FBN3: variants seen among roughly 807,000 people sequenced by gnomAD.
FBN3 encodes fibrillin 3.
Under a neutral mutation model 330.1 loss-of-function variants are expected in FBN3, and 234 were observed. That is an observed-to-expected ratio of 0.71 (90% confidence interval 0.64 to 0.79). The LOEUF is 0.79. FBN3 is among the 30% of genes least tolerant of loss of function. The pLI is 0.00. For missense variants in FBN3, 3,606 were observed against 3,886.9 expected (o/e 0.93, Z 1.92); for synonymous variants, 1,458 against 1,517.3 (o/e 0.96, Z 0.91).
In FBN3 at chr19:8,083,332, A is replaced by G. The variant is rs200245975; in HGVS notation, c.7128T>C (p.His2376=). The change falls in exon 57 of 64, where the codon CAT becomes CAC. Residue 2376 remains histidine, a synonymous_variant. Transcript: ENST00000600128. The part of the protein sequence containing the change: ...ECRMLAHLCA[H]GECINSLGSF... ...AGCCAAGGCTGTTGATGCACTCCCCATGAGCACACAGGTGAGCAAGCATAC... is the reference window on the plus strand; with the variant it reads ...AGCCAAGGCTGTTGATGCACTCCCCGTGAGCACACAGGTGAGCAAGCATAC... 144 of 1,613,978 alleles carry G rather than the reference A, an allele frequency of 8.9e-5. 1 individual carries two copies. The highest frequency in any genetic ancestry group is 1.2e-4 in the Non-Finnish European group (140 of 1,180,000).
In FBN3 at chr19:8,089,564, G is replaced by A. The variant is rs769817691; in HGVS notation, c.6357C>T (p.Phe2119=). The change falls in exon 51 of 64, where the codon TTC becomes TTT. Residue 2119 remains phenylalanine (F), a synonymous_variant. Transcript: ENST00000600128. ...CECPFGYSLD[F]TGINCVDTDE... ...ACTCACCCACACAGTTGATGCCAGT[G>A]AAGTCCAGGCTGTAGCCAAAGGGAC... is the stretch of plus-strand genomic sequence containing the variant. 1 of 1,614,178 alleles carries A rather than the reference G, an allele frequency of 6.2e-7. No individual in the cohort carries two copies. The highest frequency in any genetic ancestry group is 1.7e-5 in the Admixed American group (1 of 60,024).
In FBN3 at chr19:8,109,435, G is replaced by T; in HGVS notation, c.4457-47C>A. 6.2e-7 allele frequency: 1 copy of T among 1,604,978 alleles called. No homozygotes were observed. The highest frequency in any genetic ancestry group is 2.2e-5 in the East Asian group (1 of 44,812). ...GTTAGTAGGTGTCAGAGGGAAAGCT[G>T]TATGTGTGCGTGTGCATGCATGTGT... is the stretch of plus-strand genomic sequence containing the variant. On this transcript the variant is annotated intron_variant, in intron 35 of 63. Coordinates refer to ENST00000600128, the MANE Select transcript of FBN3 (RefSeq NM_032447.5). This position sits in a 1 kb window ranked among gnomAD's most constrained non-coding sequence, Gnocchi z 5.2.
chr19:8,134,253 A>ATTAAT (rs111296269), intron 13 of FBN3, among the ~76,000 whole-genome samples: 7 of 148,884 alleles, frequency 4.7e-5, no homozygotes, highest in Admixed American at 4.1e-4. Context: ...AAATAAATAA[A>ATTAAT]TAAATAAAAT....
rs143694434 is a variant in FBN3, at chr19:8,109,357, C to A, written c.4488G>T (p.Thr1496=). The A allele has an allele frequency of 3.1e-6, 5 of 1,614,032 alleles. No individual in the cohort carries two copies. Among genetic ancestry groups the A allele is most frequent in the Middle Eastern group, 1.6e-4 (1 of 6,084 alleles). The change falls in exon 36 of 64, where the codon ACG becomes ACT. Residue 1496 remains threonine, a synonymous_variant. Transcript: ENST00000600128. The surrounding 1 kb of genome is among the most constrained non-coding windows in gnomAD (Gnocchi z 5.2). ...AAATGCCACTGTCCCCTCGGTCATGCGTCTCCAGGAAACAGTTCCCGGCCC... is the reference window on the plus strand; with the variant it reads ...AAATGCCACTGTCCCCTCGGTCATGAGTCTCCAGGAAACAGTTCCCGGCCC... ...DTRAGNCFLE[T]HDRGDSGISC... is the part of the protein sequence containing the mutation.
In FBN3 at chr19:8,085,578, A is replaced by G; in HGVS notation, c.6881-9T>C. Reference sequence around the variant, plus strand: ...GGGCCCCTGCCGGATGTCTGCAGAGAACAATGGGAAAGACAACGGTCACTC... The same window carrying G: ...GGGCCCCTGCCGGATGTCTGCAGAGGACAATGGGAAAGACAACGGTCACTC... On this transcript the variant is annotated splice_polypyrimidine_tract_variant and intron_variant, in intron 55 of 63. Transcript: ENST00000600128. 2 of 1,535,226 alleles carry G rather than the reference A, an allele frequency of 1.3e-6. No homozygotes were observed. The highest frequency in any genetic ancestry group is 1.2e-5 in the South Asian group (1 of 80,744).
At chr19:8,086,750 G>A (rs1444360450) in intron 54 of FBN3, among the ~76,000 whole-genome samples, 1 of 151,434 alleles carries the variant, frequency 6.6e-6, no homozygotes, top group Non-Finnish European at 1.5e-5. Flanking sequence ...TTACAGGCGT[G>A]AGGCACCGTG....
Position 8,131,619 on chromosome 19 carries a change from C to T in FBN3, c.1925G>A (p.Cys642Tyr). The T allele has an allele frequency of 6.2e-7, 1 of 1,614,158 alleles. No homozygotes were observed. The highest frequency in any genetic ancestry group is 2.2e-5 in the East Asian group (1 of 44,874). The change falls in exon 15 of 64, where the codon TGC becomes TAC. Residue 642 changes from cysteine (C) to tyrosine (Y), a missense_variant. Cys to Tyr is a radical substitution (Grantham distance 194). Transcript: ENST00000600128. The surrounding 1 kb of genome is among the most constrained non-coding windows in gnomAD (Gnocchi z 4.5). ...ACCGTGGTCCGGATTGGCACAGCAG[C>T]ACTCGGACTTGGTGACAGTGCCAGG... ...PFPGTVTKSE[C>Y]CCANPDHGFG...
intron 27 of FBN3, 50 bp from the exon 28 acceptor site, chr19:8,117,341 G>C (rs866083766): frequency 1.5e-6 from 2 of 1,343,772 alleles, no homozygotes; most frequent in Non-Finnish European, 2.1e-6. Flanking sequence ...AGGGGTCCAG[G>C]ATGGGGAGGG....
chr19:8,101,201 T>A lies in FBN3; in HGVS notation c.5090-229A>T, dbSNP rs534574986. 2.2e-4 allele frequency among the ~76,000 whole-genome samples: 33 copies of A among 152,282 alleles called. No individual in the cohort carries two copies. The East Asian group carries it at 6.0e-3, about 28-fold the overall frequency. On this transcript the variant is annotated intron_variant, in intron 40 of 63. Coordinates refer to ENST00000600128, the MANE Select transcript of FBN3 (RefSeq NM_032447.5). ...GTGCACTGGTGCAATCACGGCTCAC[T>A]GCAGCCTTAACCTCCCAGGTTCAGG...
At chr19:8,090,308 C>T in intron 48 of FBN3, 57 bp from the exon 49 acceptor site, 1 of 1,597,910 alleles carries the variant, frequency 6.3e-7, no homozygotes, top group South Asian at 1.1e-5. Context: ...GCCCACCTGC[C>T]CCTGTGACCT....
intron 59 of FBN3, among the ~76,000 whole-genome samples, chr19:8,078,108 C>A (rs887208457): frequency 6.6e-6 from 1 of 152,046 alleles, no homozygotes; most frequent in Non-Finnish European, 1.5e-5. Flanking sequence ...TCTGCCACCA[C>A]CCACAATTTC....
At chr19:8,099,067 C>T (rs2082271978) in intron 41 of FBN3, among the ~76,000 whole-genome samples, 1 of 152,062 alleles carries the variant, frequency 6.6e-6, no homozygotes, top group South Asian at 2.1e-4. Context: ...CAAGTTGTAA[C>T]CAACATGTCA....
intron 41 of FBN3, 31 bp downstream of exon 41, chr19:8,100,870 C>T: frequency 1.3e-6 from 2 of 1,594,846 alleles, no homozygotes; most frequent in African/African-American, 1.3e-5. Context: ...TGGATGGGTG[C>T]CCAGGGATAG....
At chr19:8,100,639 G>A (rs953108311) in intron 41 of FBN3, among the ~76,000 whole-genome samples, 6 of 152,074 alleles carry the variant, frequency 3.9e-5, no homozygotes, top group Non-Finnish European at 7.4e-5. Context: ...TGCATGGCTC[G>A]AATGGTAAAT....
intron 1 of FBN3, among the ~76,000 whole-genome samples, chr19:8,148,188 G>A (rs2083595911): frequency 6.6e-6 from 1 of 151,996 alleles, no homozygotes; most frequent in Non-Finnish European, 1.5e-5. Context: ...GTGTCCCCTC[G>A]CCTCCACATC....
chr19:8,136,339 C>T (rs758950417), intron 11 of FBN3, 30 bp from the exon 12 acceptor site: 31 of 1,604,398 alleles, frequency 1.9e-5, no homozygotes, highest in Non-Finnish European at 2.4e-5. Flanking sequence ...AGCCCTAGCA[C>T]GAGCAGGGCA....
chr19:8,096,039 A>T lies in FBN3; in HGVS notation c.5581T>A (p.Cys1861Ser). 6.2e-7 allele frequency: 1 copy of T among 1,614,080 alleles called. No homozygotes were observed. Among genetic ancestry groups the T allele is most frequent in the South Asian group, 1.1e-5 (1 of 91,084 alleles). ...CDRQPCGNGT[C>S]KNIIGSYNCL... is the part of the protein sequence containing the mutation. The stretch of plus-strand genomic sequence containing the variant: ...TTGTAGGAGCCAATGATGTTCTTGC[A>T]GGTCCCATTTCCACAAGGCTGCCGG... The change falls in exon 45 of 64, where the codon TGC becomes AGC. Residue 1861 changes from cysteine to serine, a missense_variant. Coordinates refer to ENST00000600128, the MANE Select transcript of FBN3 (RefSeq NM_032447.5). This position sits in a 1 kb window ranked among gnomAD's most constrained non-coding sequence, Gnocchi z 4.6.
intron 62 of FBN3, among the ~76,000 whole-genome samples, 157 bp from the exon 63 acceptor site, chr19:8,072,355 G>A (rs768952691): frequency 6.6e-6 from 1 of 152,158 alleles, no homozygotes; most frequent in African/African-American, 2.4e-5. Flanking sequence ...CCGTGTGCAC[G>A]AGTGTGTGTG....
Position 8,147,402 on chromosome 19 carries a change from C to T in FBN3, c.79G>A (p.Ala27Thr). 6.3e-7 allele frequency: 1 copy of T among 1,597,030 alleles called. No homozygotes were observed. Among genetic ancestry groups the T allele is most frequent in the Non-Finnish European group, 8.5e-7 (1 of 1,173,276 alleles). Residue 27 changes from alanine (A) to threonine (T), a missense_variant, in exon 2 of 64, where the codon GCA becomes ACA. Ala to Thr is a moderately conservative substitution (Grantham distance 58, BLOSUM62 0). Coordinates refer to ENST00000600128, the MANE Select transcript of FBN3 (RefSeq NM_032447.5). Reference sequence around the variant, plus strand: ...CCGTCCCAGCGGCCTTGGCCACCTGCCATGCACAACAGGGCCGACCAGGCC... The same window carrying T: ...CCGTCCCAGCGGCCTTGGCCACCTGTCATGCACAACAGGGCCGACCAGGCC... ...LLAWSALLCM[A>T]GGQGRWDGAL... is the part of the protein sequence containing the mutation.
Sources: allele counts gnomAD v4.1 joint callset (sites outside exome capture counted in the v4.1 genomes callset), GRCh38; gene constraint gnomAD v4.1.1; non-coding constraint Gnocchi (gnomAD v3.1); transcripts MANE v1.5; gene names NCBI Gene and HGNC (gene_info 2026-07-23, HGNC 2026-07-21).